SYN3: variants seen among roughly 807,000 people sequenced by gnomAD.
The protein encoded by SYN3 is synapsin III, also known as synapsin-3.
Under a neutral mutation model 65.8 loss-of-function variants are expected in SYN3, and 35 were observed. The ratio of observed to expected loss-of-function variants is 0.53; its 90% CI spans 0.41 to 0.70. SYN3 has a LOEUF of 0.70. Ranked by LOEUF, SYN3 falls within the 30% of genes least tolerant of loss-of-function variation. SYN3 has a pLI of 0.00. For missense variants in SYN3, 680 were observed against 749.0 expected (o/e 0.91, Z 1.08); for synonymous variants, 270 against 292.9 (o/e 0.92, Z 0.80).
chr22:32,892,584 T>C (rs773744449), intron 4 of SYN3, among the ~76,000 whole-genome samples: 1 of 152,202 alleles, frequency 6.6e-6, no homozygotes, highest in Non-Finnish European at 1.5e-5. Context: ...GAGAGATGTA[T>C]TTCTGATCCT....
At chr22:32,895,589 A>G (rs1326092543) in intron 4 of SYN3, among the ~76,000 whole-genome samples, 2 of 152,214 alleles carry the variant, frequency 1.3e-5, no homozygotes, top group Non-Finnish European at 2.9e-5. Context: ...GGAAACACCT[A>G]GACTCTTGCT....
intron 7 of SYN3, among the ~76,000 whole-genome samples, chr22:32,568,565 G>A (rs2058703549): frequency 6.6e-6 from 1 of 152,150 alleles, no homozygotes; most frequent in Admixed American, 6.5e-5. Flanking sequence ...TCAGTGTCTG[G>A]TGAGGCCCTG....
chr22:32,773,320 T>C (rs2045821911), intron 6 of SYN3, among the ~76,000 whole-genome samples: 1 of 149,704 alleles, frequency 6.7e-6, no homozygotes, highest in Admixed American at 6.8e-5. Context: ...GGCAGGAGAA[T>C]TGCTTGAACC....
intron 6 of SYN3, among the ~76,000 whole-genome samples, chr22:32,652,219 A>T (rs2060081352): frequency 1.3e-5 from 2 of 152,118 alleles, no homozygotes; most frequent in African/African-American, 4.8e-5. Flanking sequence ...ACCAAAATGC[A>T]CACACTCAAT....
At chr22:32,574,716 T>G (rs895928517) in intron 7 of SYN3, among the ~76,000 whole-genome samples, 1 of 152,242 alleles carries the variant, frequency 6.6e-6, no homozygotes, top group African/African-American at 2.4e-5. Flanking sequence ...AAGCTCTCGC[T>G]GCAGCCAGTC....
intron 3 of SYN3, among the ~76,000 whole-genome samples, chr22:32,972,646 C>G (rs1387304932): frequency 6.6e-6 from 1 of 152,096 alleles, no homozygotes; most frequent in Non-Finnish European, 1.5e-5. Flanking sequence ...AGAAGCTTCA[C>G]CAACAACTAT....
At chr22:33,050,038 A>AT (rs2054136086) in intron 1 of SYN3, among the ~76,000 whole-genome samples, 1 of 144,674 alleles carries the variant, frequency 6.9e-6, no homozygotes, top group African/African-American at 2.6e-5. Context: ...TTGTTGTTTT[A>AT]TTTTTTCTTA....
At chr22:32,983,813 C>A (rs2052439794) in intron 2 of SYN3, among the ~76,000 whole-genome samples, 1 of 152,090 alleles carries the variant, frequency 6.6e-6, no homozygotes, top group South Asian at 2.1e-4. Context: ...ACCTATGGGT[C>A]ATATGTCTAA....
chr22:32,528,403 T>TA (rs1484818743), intron 11 of SYN3, among the ~76,000 whole-genome samples: 8 of 152,096 alleles, frequency 5.3e-5, no homozygotes, highest in Non-Finnish European at 1.2e-4. Context: ...TGGTAATCCA[T>TA]GGTGGGAACT....
At chr22:32,901,484 T>C (rs902751806) in intron 4 of SYN3, among the ~76,000 whole-genome samples, 2 of 152,230 alleles carry the variant, frequency 1.3e-5, no homozygotes, top group Non-Finnish European at 2.9e-5. Flanking sequence ...ATTCCTTATC[T>C]TGGTGAACCC....
intron 6 of SYN3, among the ~76,000 whole-genome samples, chr22:32,753,473 C>T (rs1274738341): frequency 6.6e-6 from 1 of 152,172 alleles, no homozygotes; most frequent in Non-Finnish European, 1.5e-5. Context: ...TCAGGAAGGG[C>T]CCAGGCCCAA....
intron 2 of SYN3, among the ~76,000 whole-genome samples, chr22:32,988,503 C>A (rs907778313): frequency 1.3e-5 from 2 of 151,994 alleles, no homozygotes; most frequent in African/African-American, 4.8e-5. Flanking sequence ...CTACTATGTG[C>A]CAGAGTCTGC....
intron 6 of SYN3, among the ~76,000 whole-genome samples, chr22:32,657,237 T>G (rs1463602909): frequency 6.6e-6 from 1 of 152,044 alleles, no homozygotes; most frequent in Non-Finnish European, 1.5e-5. Context: ...CATTCTCCTG[T>G]CTCAGCCTCC....
intron 6 of SYN3, among the ~76,000 whole-genome samples, chr22:32,730,569 C>T (rs1330531342): frequency 2.0e-5 from 3 of 152,198 alleles, no homozygotes; most frequent in Non-Finnish European, 2.9e-5. Flanking sequence ...GTTCTCATCT[C>T]ACTTTTACAG....
intron 7 of SYN3, among the ~76,000 whole-genome samples, chr22:32,553,377 C>CA (rs1340232826): frequency 5.3e-5 from 8 of 151,496 alleles, no homozygotes; most frequent in African/African-American, 1.2e-4. Flanking sequence ...ACAGACATGG[C>CA]AAAAAAGGTA....
At chr22:32,748,936 G>C (rs1378930885) in intron 6 of SYN3, among the ~76,000 whole-genome samples, 1 of 152,128 alleles carries the variant, frequency 6.6e-6, no homozygotes, top group African/African-American at 2.4e-5. Flanking sequence ...CTGTTTCCTG[G>C]GTTTCCCTCT....
chr22:32,800,475 C>T (rs560075466), intron 6 of SYN3, among the ~76,000 whole-genome samples: 1 of 152,294 alleles, frequency 6.6e-6, no homozygotes, highest in African/African-American at 2.4e-5. Flanking sequence ...GATACTTGTG[C>T]TTGCTTTTCC....
chr22:32,759,563 G>GTCT (rs916176328), intron 6 of SYN3, among the ~76,000 whole-genome samples: 3 of 152,010 alleles, frequency 2.0e-5, no homozygotes, highest in Non-Finnish European at 2.9e-5. Flanking sequence ...TGAGACCCTT[G>GTCT]TCTTGACAGA....
At position 32,511,571 on chromosome 22, in the gene SYN3, T is replaced by C. The variant is rs906344109; in HGVS notation, c.*2121A>G. Among the ~76,000 whole-genome samples the C allele has an allele frequency of 3.9e-5, 6 of 152,178 alleles. No individual in the cohort carries two copies. Among genetic ancestry groups the C allele is most frequent in the Non-Finnish European group, 8.8e-5 (6 of 68,032 alleles). ...GACATGCAGGGACTGTCCTATAACA[T>C]GGAACTCAGCCGAGCATGGAGACAG... is the stretch of plus-strand genomic sequence containing the variant. On this transcript the variant is annotated 3_prime_UTR_variant, in exon 14 of 14. Transcript: ENST00000358763.
Sources: gnomAD v4.1 joint callset for allele counts (sites outside exome capture counted in the v4.1 genomes callset) on GRCh38, gnomAD v4.1.1 for gene constraint, MANE v1.5 for transcripts, NCBI Gene and HGNC (gene_info 2026-07-23, HGNC 2026-07-21) for gene names.